The following PAK5 variants were observed in gnomAD, a reference collection of about 807,000 sequenced individuals.
PAK5 encodes the protein serine/threonine-protein kinase PAK 5.
In PAK5, 16 loss-of-function variants were observed where a neutral mutation model predicts 65.9. The observed-to-expected ratio is 0.24, with a 90% confidence interval of 0.16 to 0.37. The LOEUF is 0.37. Among genes scored for constraint, PAK5 ranks in the 10% least tolerant of loss-of-function variants. The pLI, the probability that PAK5 is intolerant of heterozygous loss-of-function variation, is 1.00. For synonymous variants in PAK5, 371 were observed against 354.9 expected, an observed-to-expected ratio of 1.05 and a Z score of -0.51; for missense variants, 785 against 903.9, an observed-to-expected ratio of 0.87 and a Z score of 1.69.
intron 1 of PAK5, among the ~76,000 whole-genome samples, chr20:9,831,469 G>T (rs1600422278): frequency 6.6e-6 from 1 of 152,186 alleles, no homozygotes; most frequent in African/African-American, 2.4e-5. Flanking sequence ...TTGTAAAATA[G>T]TGGATTTTTT....
At chr20:9,623,619 G>A (rs1204962689) in intron 3 of PAK5, among the ~76,000 whole-genome samples, 1 of 152,104 alleles carries the variant, frequency 6.6e-6, no homozygotes, top group Non-Finnish European at 1.5e-5. Flanking sequence ...TAAAAGTACA[G>A]TATTAGACTA....
At chr20:9,577,755 T>C (rs908166869) in intron 4 of PAK5, 5 of 152,250 alleles carry the variant, frequency 3.3e-5, no homozygotes, top group African/African-American at 1.2e-4. Flanking sequence ...ACGAGTTTCC[T>C]GTGAAACATG....
intron 2 of PAK5, among the ~76,000 whole-genome samples, chr20:9,687,972 T>C (rs2047742595): frequency 6.6e-6 from 1 of 151,810 alleles, no homozygotes; most frequent in Admixed American, 6.6e-5. Context: ...AATTGAATGC[T>C]GGGTCCAGGA....
chr20:9,577,240 A>C (rs1395400667), intron 4 of PAK5: 1 of 151,724 alleles, frequency 6.6e-6, no homozygotes, highest in Non-Finnish European at 1.5e-5. Context: ...GAGGAGGCCA[A>C]CATCAACAAA....
intron 1 of PAK5, among the ~76,000 whole-genome samples, chr20:9,795,847 T>C (rs1239902260): frequency 6.6e-6 from 1 of 152,096 alleles, no homozygotes; most frequent in Non-Finnish European, 1.5e-5. Context: ...AACATGCAGA[T>C]ATAAATATGG....
chr20:9,747,982 G>A (rs1177587915), intron 1 of PAK5, among the ~76,000 whole-genome samples: 1 of 152,182 alleles, frequency 6.6e-6, no homozygotes, highest in African/African-American at 2.4e-5. Flanking sequence ...AGCAACTTCA[G>A]CAAAGTCCCA....
At chr20:9,706,435 C>T (rs2048007535) in intron 2 of PAK5, among the ~76,000 whole-genome samples, 1 of 151,336 alleles carries the variant, frequency 6.6e-6, no homozygotes, top group Non-Finnish European at 1.5e-5. Context: ...TTTCCTCCTT[C>T]CTTTCTTGTT....
chr20:9,761,546 G>T (rs2048699961), intron 1 of PAK5, among the ~76,000 whole-genome samples: 1 of 152,098 alleles, frequency 6.6e-6, no homozygotes, highest in South Asian at 2.1e-4. Flanking sequence ...AAAAAGCAGT[G>T]TTAAAATTCA....
intron 1 of PAK5, among the ~76,000 whole-genome samples, chr20:9,737,070 A>G (rs1157139264): frequency 6.6e-6 from 1 of 152,134 alleles, no homozygotes; most frequent in Non-Finnish European, 1.5e-5. Context: ...ACAACATTGA[A>G]AGTGAAATAA....
chr20:9,705,868 A>AG (rs2048000238), intron 2 of PAK5, among the ~76,000 whole-genome samples: 1 of 152,174 alleles, frequency 6.6e-6, no homozygotes, highest in Non-Finnish European at 1.5e-5. Context: ...GAACTACAAA[A>AG]GTTTCCATTC....
intron 3 of PAK5, among the ~76,000 whole-genome samples, chr20:9,620,850 C>T (rs1187973682): frequency 6.6e-6 from 1 of 151,766 alleles, no homozygotes; most frequent in Non-Finnish European, 1.5e-5. Flanking sequence ...TTGTCTTCCT[C>T]TAATCATGGG....
At chr20:9,632,448 C>T (rs1198452194) in intron 3 of PAK5, among the ~76,000 whole-genome samples, 1 of 152,176 alleles carries the variant, frequency 6.6e-6, no homozygotes, top group East Asian at 1.9e-4. Flanking sequence ...TTTAAATATT[C>T]TGCCTAACTC....
chr20:9,725,853 CAA>C (rs1033420164), intron 1 of PAK5, among the ~76,000 whole-genome samples: 1 of 151,628 alleles, frequency 6.6e-6, no homozygotes, highest in Non-Finnish European at 1.5e-5. Context: ...AAAGATTTTC[CAA>C]AGTTTGATAA....
intron 1 of PAK5, among the ~76,000 whole-genome samples, chr20:9,725,419 G>T (rs577122855): frequency 6.6e-6 from 1 of 151,898 alleles, no homozygotes; most frequent in Non-Finnish European, 1.5e-5. Flanking sequence ...ATTTATTTAC[G>T]ATGTAATGGA....
chr20:9,747,849 G>A (rs879449208), intron 1 of PAK5, among the ~76,000 whole-genome samples: 19 of 149,714 alleles, frequency 1.3e-4, no homozygotes, highest in Non-Finnish European at 2.4e-4. Flanking sequence ...AATTAGGCAG[G>A]AGAAGGAAAT....
chr20:9,727,281 A>T (rs932698905), intron 1 of PAK5, among the ~76,000 whole-genome samples: 1 of 152,212 alleles, frequency 6.6e-6, no homozygotes, highest in Non-Finnish European at 1.5e-5. Flanking sequence ...TGATGACCCA[A>T]GGGCAAAATC....
rs77821635 is a variant in PAK5, at chr20:9,668,128, G to A, written c.-11-23789C>T. ...AATTTGTCCTTTAAAAAGAGAAGCCGCATGTTAGGGTATCCATCTAAGAAT... is the reference window on the plus strand; with the variant it reads ...AATTTGTCCTTTAAAAAGAGAAGCCACATGTTAGGGTATCCATCTAAGAAT... On this transcript the variant is annotated intron_variant, in intron 2 of 9. Transcript: ENST00000353224. Among the ~76,000 whole-genome samples, 107 of 152,088 alleles carry A rather than the reference G, an allele frequency of 7.0e-4. No homozygotes were observed. In the East Asian group the frequency reaches 0.018, roughly 26 times the overall value.
rs569241075 is a variant in PAK5 at position 9,559,362 on chromosome 20, T to C, written c.1617-1628A>G. ...AAGGTCAGCAGAATAAGGAAATGAATGGCTTTGAATTTTCATTTCAGTTTA... is the reference window on the plus strand; with the variant it reads ...AAGGTCAGCAGAATAAGGAAATGAACGGCTTTGAATTTTCATTTCAGTTTA... On this transcript the variant is annotated intron_variant, in intron 6 of 9. Transcript: ENST00000353224. 1.5e-3 allele frequency among the ~76,000 whole-genome samples: 221 copies of C among 152,326 alleles called. 1 individual carries two copies. The highest frequency in any genetic ancestry group is 4.6e-3 in the African/African-American group (190 of 41,578).
In PAK5 at chr20:9,651,200, A is replaced by G. The variant is rs182274856; in HGVS notation, c.-11-6861T>C. ...TTGCCTCCTTTTGCCTCAGTATCCT[A>G]TGATAAATGGGAATAATAATATTCT... On this transcript the variant is annotated intron_variant, in intron 2 of 9. Transcript: ENST00000353224. Among the ~76,000 whole-genome samples the G allele has an allele frequency of 1.3e-3, 198 of 152,270 alleles. 2 individuals are homozygous for G. Among genetic ancestry groups the G allele is most frequent in the Non-Finnish European group, 7.5e-4 (51 of 68,032 alleles).
Sources: allele counts gnomAD v4.1 joint callset (sites outside exome capture counted in the v4.1 genomes callset), GRCh38; gene constraint gnomAD v4.1.1; transcripts MANE v1.5; gene names NCBI Gene and HGNC (gene_info 2026-07-23, HGNC 2026-07-21).